KLRG1: variants seen among roughly 807,000 people sequenced by gnomAD.
KLRG1 encodes killer cell lectin-like receptor subfamily G member 1.
Under a neutral mutation model 21.8 loss-of-function variants are expected in KLRG1, and 16 were observed. That is an observed-to-expected ratio of 0.73 (90% CI 0.50 to 1.11). The LOEUF is 1.11. Ranked by LOEUF, KLRG1 falls within the 50% of genes most tolerant of loss-of-function variation. The pLI, the probability that KLRG1 is intolerant of heterozygous loss-of-function variation, is 0.00. For missense variants in KLRG1, 173 were observed against 218.3 expected, an observed-to-expected ratio of 0.79 and a Z score of 1.31; for synonymous variants, 69 against 75.9, an observed-to-expected ratio of 0.91 and a Z score of 0.47.
rs1428312194 is a variant in KLRG1, at chr12:9,008,879, A to G, written c.358-96A>G. ...AGGAATGCTAGTTTGTCTTTTAATTAATTACTTAACTTAGTATTAGGAATC... is the reference window on the plus strand; with the variant it reads ...AGGAATGCTAGTTTGTCTTTTAATTGATTACTTAACTTAGTATTAGGAATC... On this transcript the variant is annotated intron_variant, in intron 3 of 4. Coordinates refer to ENST00000356986, the MANE Select transcript of KLRG1 (RefSeq NM_005810.4). The G allele has an allele frequency of 9.1e-6, 7 of 769,344 alleles. No homozygotes were observed. The Middle Eastern group carries it at 7.1e-4, about 78-fold the overall frequency. 47.7% of individuals were successfully genotyped at this position (769,344 alleles called of 1,614,324 possible).
the KLRG1 span, chr12:9,165,063 A>G: frequency 6.6e-7 from 1 of 1,506,600 alleles, no homozygotes; most frequent in Non-Finnish European, 9.2e-7. Flanking sequence ...TAGTCTCAGG[A>G]ACAGAATCAG....
the KLRG1 span, among the ~76,000 whole-genome samples, chr12:9,185,806 T>C: frequency 6.7e-6 from 1 of 149,318 alleles, no homozygotes; most frequent in East Asian, 1.9e-4. Context: ...TTTCTTTTCT[T>C]TTCTTTTCTT....
At chr12:9,034,699 G>A in the KLRG1 span, among the ~76,000 whole-genome samples, 33 of 152,244 alleles carry the variant, frequency 2.2e-4, no homozygotes, top group African/African-American at 7.5e-4. Context: ...CGCCCGCCTC[G>A]GCCTCCCAAA....
chr12:9,132,347 C>T, the KLRG1 span, among the ~76,000 whole-genome samples: 7 of 152,288 alleles, frequency 4.6e-5, no homozygotes, highest in Non-Finnish European at 8.8e-5. Context: ...GTGTGATAAA[C>T]GACATGGGTT....
At chr12:9,023,817 G>C in the KLRG1 span, among the ~76,000 whole-genome samples, 194 of 151,888 alleles carry the variant, frequency 1.3e-3, 1 homozygote, top group Admixed American at 2.5e-3. Context: ...TGGCCTCCTG[G>C]GCTGCTGGGA....
intron 3 of KLRG1, among the ~76,000 whole-genome samples, chr12:9,008,660 G>C (rs752337695): frequency 6.6e-6 from 1 of 152,214 alleles, no homozygotes; most frequent in South Asian, 2.1e-4. Context: ...TTGGCAAAGA[G>C]AGTGCTTTGA....
At chr12:9,079,969 G>T in the KLRG1 span, 1 of 948,682 alleles carries the variant, frequency 1.1e-6, no homozygotes, top group Non-Finnish European at 1.5e-6. Flanking sequence ...CAATAAACAA[G>T]CCCAAAGAAG....
chr12:9,074,551 A>G, the KLRG1 span: 2 of 1,599,998 alleles, frequency 1.3e-6, no homozygotes, highest in South Asian at 1.1e-5. Context: ...GTTTTGGCAA[A>G]TCACCAACCT....
the KLRG1 span, among the ~76,000 whole-genome samples, chr12:9,138,048 T>C: frequency 1.3e-5 from 2 of 152,046 alleles, no homozygotes; most frequent in Non-Finnish European, 2.9e-5. Flanking sequence ...AGGGCTTTGG[T>C]TCTATATTGA....
At chr12:9,162,244 G>T in the KLRG1 span, 1 of 180,094 alleles carries the variant, frequency 5.6e-6, no homozygotes. Flanking sequence ...TTACAAATGT[G>T]AGCCACCACA....
At chr12:9,213,079 G>A in the KLRG1 span, among the ~76,000 whole-genome samples, 5 of 152,266 alleles carry the variant, frequency 3.3e-5, no homozygotes, top group Admixed American at 6.5e-5. Flanking sequence ...GGCCTATGTT[G>A]TGTGGCTTCT....
At chr12:9,214,732 C>G in the KLRG1 span, among the ~76,000 whole-genome samples, 2 of 151,844 alleles carry the variant, frequency 1.3e-5, no homozygotes, top group African/African-American at 4.8e-5. Flanking sequence ...TTTCTCTCTG[C>G]TTTGTGTTGA....
rs1947607976 is a variant in KLRG1 at position 9,010,349 on chromosome 12, A to G, written c.*812A>G. On this transcript the variant is annotated 3_prime_UTR_variant, in exon 5 of 5. Transcript: ENST00000356986. ...TGCATATATGTGGTTGAATGAACCA[A>G]TGTGTGATTGTATCTTTTCCATTAT... 4.5e-6 allele frequency: 1 copy of G among 221,178 alleles called. No homozygotes were observed. Among genetic ancestry groups the G allele is most frequent in the Non-Finnish European group, 8.8e-6 (1 of 113,190 alleles). 13.7% of individuals were successfully genotyped at this position (221,178 alleles called of 1,614,324 possible).
the KLRG1 span, among the ~76,000 whole-genome samples, chr12:9,078,174 G>A: frequency 2.4e-4 from 36 of 152,100 alleles, no homozygotes; most frequent in African/African-American, 6.7e-4. Flanking sequence ...TGACCCATCC[G>A]CTTAGTTCCC....
intron 1 of KLRG1, among the ~76,000 whole-genome samples, chr12:8,964,435 T>C (rs1466090984): frequency 1.3e-5 from 2 of 152,240 alleles, no homozygotes; most frequent in East Asian, 3.8e-4. Flanking sequence ...TTACATTTGC[T>C]GAGGAGTGCT....
At chr12:9,107,587 A>G in the KLRG1 span, 22 of 1,614,018 alleles carry the variant, frequency 1.4e-5, no homozygotes, top group Non-Finnish European at 1.8e-5. Flanking sequence ...AAGCGTCACT[A>G]TACTTTCTGC....
chr12:9,002,839 G>A (rs1386847067), intron 3 of KLRG1, among the ~76,000 whole-genome samples: 1 of 151,476 alleles, frequency 6.6e-6, no homozygotes. Flanking sequence ...AGTGCTGGAA[G>A]TACAGATGTG....
At chr12:9,203,687 A>C in the KLRG1 span, 1 of 1,509,306 alleles carries the variant, frequency 6.6e-7, no homozygotes, top group African/African-American at 1.4e-5. Flanking sequence ...GGGATCGCAC[A>C]CCAGAGCTCC....
At chr12:9,022,206 T>G in the KLRG1 span, among the ~76,000 whole-genome samples, 3 of 152,224 alleles carry the variant, frequency 2.0e-5, no homozygotes, top group African/African-American at 7.2e-5. Context: ...TGAAGTATCA[T>G]GTACTGTACA....
Sources: gnomAD v4.1 joint callset for allele counts (sites outside exome capture counted in the v4.1 genomes callset) on GRCh38, gnomAD v4.1.1 for gene constraint, MANE v1.5 for transcripts, NCBI Gene and HGNC (gene_info 2026-07-23, HGNC 2026-07-21) for gene names.